RGPD4: variants seen among roughly 807,000 people sequenced by gnomAD.
The protein encoded by RGPD4 is ranBP2-like and GRIP domain-containing protein 4.
In RGPD4, 84 loss-of-function variants were observed where a neutral mutation model predicts 141.1. That is an observed-to-expected ratio of 0.60 (90% CI 0.50 to 0.71). The LOEUF (loss-of-function observed/expected upper bound fraction) is 0.71, where lower values mean the gene tolerates loss of function less well. Among genes scored for constraint, RGPD4 ranks in the 30% least tolerant of loss-of-function variants. The pLI, the probability that RGPD4 is intolerant of heterozygous loss-of-function variation, is 0.00. For missense variants in RGPD4, 918 were observed against 1,622.4 expected, an observed-to-expected ratio of 0.57 and a Z score of 7.46; for synonymous variants, 298 against 566.8, an observed-to-expected ratio of 0.53 and a Z score of 6.74.
At chr2:107,888,641 C>T (rs898741192) in intron 22 of RGPD4, among the ~76,000 whole-genome samples, 43 of 149,522 alleles carry the variant, frequency 2.9e-4, no homozygotes, top group African/African-American at 1.0e-3. Context: ...TATTTTTAAC[C>T]AGTAGAATAC....
rs1682467992 is a variant in RGPD4, at chr2:107,859,641, T to C, written c.1635-81T>C. Reference sequence around the variant, plus strand: ...CCTCATGTGAAGATTTAATTTGTCATGTGACCCATTAACATATATGTATGT... The same window carrying C: ...CCTCATGTGAAGATTTAATTTGTCACGTGACCCATTAACATATATGTATGT... On this transcript the variant is annotated intron_variant, in intron 11 of 22. Coordinates refer to ENST00000408999, the MANE Select transcript of RGPD4 (RefSeq NM_182588.3). 9 of 1,611,430 alleles carry C rather than the reference T, an allele frequency of 5.6e-6. No individual in the cohort carries two copies. In the South Asian group the frequency reaches 7.7e-5, roughly 14 times the overall value.
chr2:107,888,663 T>C (rs1675573509), intron 22 of RGPD4, among the ~76,000 whole-genome samples: 1 of 144,102 alleles, frequency 6.9e-6, no homozygotes, highest in Non-Finnish European at 1.5e-5. Context: ...GCAAAAATGA[T>C]AGATTACAAG....
intron 22 of RGPD4, among the ~76,000 whole-genome samples, chr2:107,884,259 C>T (rs561772168): frequency 7.2e-5 from 11 of 151,878 alleles, no homozygotes; most frequent in African/African-American, 1.7e-4. Context: ...TACAGATGCA[C>T]GCCAGCTAAT....
chr2:107,827,682 G>A lies in RGPD4; in HGVS notation c.72+597G>A, dbSNP rs1259415849. ...CACGCTCTGTTGAGGCGGCGGCCTC[G>A]ACCTGGCTGGGCGGCGGCGGCCTGG... On this transcript the variant is annotated intron_variant, in intron 1 of 22. Coordinates refer to ENST00000408999, the MANE Select transcript of RGPD4 (RefSeq NM_182588.3). 1.1e-4 allele frequency among the ~76,000 whole-genome samples: 6 copies of A among 52,666 alleles called. 2 individuals carry two copies. Among genetic ancestry groups the A allele is most frequent in the Admixed American group, 3.1e-4 (2 of 6,404 alleles). The allele number at this position is 52,666 out of a possible 152,430, so 34.6% of individuals were successfully genotyped here. A position where few individuals can be genotyped will look rare whatever the true frequency, so the allele number is the denominator to read the frequency against.
Position 107,859,736 on chromosome 2 carries a change from C to G in RGPD4, c.1649C>G (p.Ala550Gly). Residue 550 changes from alanine (A) to glycine (G), a missense_variant, in exon 12 of 23, where the codon GCA becomes GGA. Ala to Gly is a moderately conservative substitution (Grantham distance 60). Coordinates refer to ENST00000408999, the MANE Select transcript of RGPD4 (RefSeq NM_182588.3). ...IHRKAVPGNSAKLRLLVQHEI... is the reference protein window; with the variant it reads ...IHRKAVPGNSGKLRLLVQHEI... ...CTATTTTTTAGACCTGGAAACTCAG[C>G]AAAATTGAGACTTTTAGTTCAGCAT... 1 of 1,611,084 alleles carries G rather than the reference C, an allele frequency of 6.2e-7. No homozygotes were observed. Among genetic ancestry groups the G allele is most frequent in the Non-Finnish European group, 8.5e-7 (1 of 1,179,814 alleles).
chr2:107,880,831 C>T (rs1382013081), intron 21 of RGPD4, among the ~76,000 whole-genome samples: 1 of 148,808 alleles, frequency 6.7e-6, no homozygotes, highest in Non-Finnish European at 1.5e-5. Flanking sequence ...AAAGTAGACA[C>T]CAGAAACATC....
chr2:107,844,859 G>T (rs1464656157), intron 6 of RGPD4, among the ~76,000 whole-genome samples: 2 of 82,082 alleles, frequency 2.4e-5, no homozygotes, highest in Non-Finnish European at 4.6e-5. Context: ...TTTTTTGAGA[G>T]GGAGTCTTGC....
At position 107,872,048 on chromosome 2, in the gene RGPD4, C is replaced by T. The variant is rs1682943266; in HGVS notation, c.4044C>T (p.Ser1348=). The T allele has an allele frequency of 3.7e-6, 6 of 1,611,296 alleles. No individual in the cohort carries two copies. Among genetic ancestry groups the T allele is most frequent in the Non-Finnish European group, 5.1e-6 (6 of 1,179,796 alleles). ...VVPLPDLVEV[S]SGEENEKVVF... is the part of the protein sequence containing the mutation. ...CTTTACCTGATCTAGTTGAAGTATC[C>T]AGTGGTGAGGAAAATGAAAAAGTTG... is the stretch of plus-strand genomic sequence containing the variant. Residue 1348 remains serine (S), a synonymous_variant, in exon 20 of 23, where the codon TCC becomes TCT. Coordinates refer to ENST00000408999, the MANE Select transcript of RGPD4 (RefSeq NM_182588.3).
At chr2:107,883,952 C>T (rs1217922445) in intron 22 of RGPD4, among the ~76,000 whole-genome samples, 2 of 152,098 alleles carry the variant, frequency 1.3e-5, no homozygotes. Context: ...CACATCATTT[C>T]TTTCCCCAGT....
intron 8 of RGPD4, among the ~76,000 whole-genome samples, chr2:107,856,146 C>T (rs1223281509): frequency 3.6e-4 from 45 of 124,886 alleles, no homozygotes; most frequent in Middle Eastern, 4.0e-3. Context: ...CTCCGCCTCC[C>T]GGGTTCACAC....
intron 20 of RGPD4, among the ~76,000 whole-genome samples, chr2:107,875,512 A>G (rs892993067): frequency 7.1e-6 from 1 of 141,830 alleles, no homozygotes; most frequent in Non-Finnish European, 1.5e-5. Flanking sequence ...TATACATGGC[A>G]TGCTTCATGA....
intron 8 of RGPD4, among the ~76,000 whole-genome samples, chr2:107,855,406 A>G (rs955915045): frequency 6.7e-6 from 1 of 149,446 alleles, no homozygotes; most frequent in Non-Finnish European, 1.5e-5. Flanking sequence ...TTCAGTCCTT[A>G]AAGTGACTTT....
chr2:107,855,136 G>A (rs1291721130), intron 8 of RGPD4, among the ~76,000 whole-genome samples: 1 of 90,282 alleles, frequency 1.1e-5, no homozygotes, highest in African/African-American at 4.3e-5. Context: ...GAATCCTAAA[G>A]GTCTGTTGCG....
chr2:107,889,027 C>A (rs1208554039), intron 22 of RGPD4, among the ~76,000 whole-genome samples: 5 of 143,896 alleles, frequency 3.5e-5, no homozygotes, highest in African/African-American at 1.4e-4. Context: ...TAAAACCAGA[C>A]AGAACAGAAA....
chr2:107,857,762 C>T (rs866094366), intron 9 of RGPD4, among the ~76,000 whole-genome samples: 10 of 151,470 alleles, frequency 6.6e-5, no homozygotes, highest in Non-Finnish European at 4.4e-5. Context: ...GAGGCCGAGG[C>T]GGGCAGATCA....
At chr2:107,835,099 A>T (rs1681627206) in intron 1 of RGPD4, among the ~76,000 whole-genome samples, 2 of 30,432 alleles carry the variant, frequency 6.6e-5, no homozygotes, top group East Asian at 3.6e-4. Context: ...TTTTTTTTTG[A>T]GATGGAATCA....
At chr2:107,831,342 T>G (rs1187523480) in intron 1 of RGPD4, among the ~76,000 whole-genome samples, 2 of 146,064 alleles carry the variant, frequency 1.4e-5, no homozygotes, top group Non-Finnish European at 3.0e-5. Flanking sequence ...ATTTATATTT[T>G]TTTTAGAATA....
rs549266394 is a variant in RGPD4 at position 107,884,633 on chromosome 2, C to T, written c.5266+1760C>T. On this transcript the variant is annotated intron_variant, in intron 22 of 22. Transcript: ENST00000408999. ...AGATGGTATTGTGTGCTTTCTAAGA[C>T]ATCAGGAGGCCCAGAATGTCCAGAC... Among the ~76,000 whole-genome samples the T allele has an allele frequency of 8.6e-3, 1,246 of 144,502 alleles. 6 individuals are homozygous for T. The highest frequency in any genetic ancestry group is 0.019 in the African/African-American group (722 of 38,416). The allele number at this position is 144,502 out of a possible 152,430, so 94.8% of individuals were successfully genotyped here. A position where few individuals can be genotyped will look rare whatever the true frequency, so the allele number is the denominator to read the frequency against.
chr2:107,849,336 G>T (rs1245076771), intron 7 of RGPD4, among the ~76,000 whole-genome samples: 1 of 104,978 alleles, frequency 9.5e-6, no homozygotes, highest in African/African-American at 4.0e-5. Context: ...TTACAGGCGC[G>T]AGGCACTGCG....
Sources: allele counts gnomAD v4.1 joint callset (sites outside exome capture counted in the v4.1 genomes callset), GRCh38; gene constraint gnomAD v4.1.1; transcripts MANE v1.5; gene names NCBI Gene and HGNC (gene_info 2026-07-23, HGNC 2026-07-21).